PCDHA10: variants seen among roughly 807,000 people sequenced by gnomAD.
PCDHA10 encodes the protein protocadherin alpha-10.
In PCDHA10, 45 loss-of-function variants were observed where a neutral mutation model predicts 61.2. That is an observed-to-expected ratio of 0.74 (90% CI 0.58 to 0.94). PCDHA10 has a LOEUF of 0.94. Ranked by LOEUF, PCDHA10 falls within the 40% of genes least tolerant of loss-of-function variation. The pLI is 0.00. For missense variants in PCDHA10, 1,278 were observed against 1,236.2 expected (o/e 1.03, Z -0.51); for synonymous variants, 602 against 548.8 (o/e 1.10, Z -1.35).
At chr5:140,997,399 C>T (rs1453624678) in intron 3 of PCDHA10, among the ~76,000 whole-genome samples, 1 of 152,118 alleles carries the variant, frequency 6.6e-6, no homozygotes, top group Non-Finnish European at 1.5e-5. Flanking sequence ...TAGGCTCTAT[C>T]GTATGGCCTA....
At chr5:140,960,148 T>C (rs782110022) in intron 1 of PCDHA10, among the ~76,000 whole-genome samples, 16 of 152,198 alleles carry the variant, frequency 1.1e-4, no homozygotes, top group Admixed American at 4.6e-4. Context: ...ATTAATAGCT[T>C]GAGACTGATA....
intron 3 of PCDHA10, among the ~76,000 whole-genome samples, chr5:140,992,394 G>A (rs1338899804): frequency 2.0e-5 from 3 of 152,170 alleles, no homozygotes; most frequent in African/African-American, 7.2e-5. Flanking sequence ...TCTGGACTTA[G>A]AGATATTGTT....
At chr5:140,959,697 CTTTGAAAGGGA>C (rs2095506406) in intron 1 of PCDHA10, among the ~76,000 whole-genome samples, 1 of 152,008 alleles carries the variant, frequency 6.6e-6, no homozygotes, top group Non-Finnish European at 1.5e-5. Flanking sequence ...ATAAAATGAG[CTTTGAAAGGGA>C]AAATTTTTAG....
At chr5:140,903,690 T>C (rs2070508211) in intron 1 of PCDHA10, among the ~76,000 whole-genome samples, 1 of 152,224 alleles carries the variant, frequency 6.6e-6, no homozygotes, top group African/African-American at 2.4e-5. Context: ...TGGTAAATAG[T>C]TTAAAATAGT....
chr5:140,876,850 T>A, intron 1 of PCDHA10: 1 of 1,614,012 alleles, frequency 6.2e-7, no homozygotes, highest in Non-Finnish European at 8.5e-7. Flanking sequence ...GCAGCCCGAG[T>A]ACACAGTGTT....
At chr5:140,879,864 T>C (rs2058152773) in intron 1 of PCDHA10, among the ~76,000 whole-genome samples, 1 of 152,226 alleles carries the variant, frequency 6.6e-6, no homozygotes, top group Admixed American at 6.5e-5. Flanking sequence ...CCTTCTCAGC[T>C]TTCATGGTCA....
intron 1 of PCDHA10, among the ~76,000 whole-genome samples, chr5:140,960,257 C>T (rs1554224600): frequency 6.6e-6 from 1 of 152,186 alleles, no homozygotes; most frequent in African/African-American, 2.4e-5. Flanking sequence ...CCTGGAGCTT[C>T]TGATAAATTC....
At chr5:140,958,547 A>C (rs528303266) in intron 1 of PCDHA10, among the ~76,000 whole-genome samples, 3 of 152,308 alleles carry the variant, frequency 2.0e-5, no homozygotes, top group East Asian at 3.9e-4. Flanking sequence ...TTTATGAACC[A>C]ATAAATGTTT....
At chr5:140,925,641 T>TATA (rs10569930) in intron 1 of PCDHA10, among the ~76,000 whole-genome samples, 50,126 of 143,032 alleles carry the variant, frequency 0.35, 8,990 homozygotes, top group South Asian at 0.5. Context: ...GAACTTAAAG[T>TATA]ATAATAATAA....
At chr5:140,911,518 T>C (rs531265598) in intron 1 of PCDHA10, among the ~76,000 whole-genome samples, 1 of 152,346 alleles carries the variant, frequency 6.6e-6, no homozygotes, top group East Asian at 1.9e-4. Flanking sequence ...TATCTGCTTC[T>C]GAAGCTAGGA....
intron 1 of PCDHA10, among the ~76,000 whole-genome samples, chr5:140,893,161 G>A (rs2063850346): frequency 6.6e-6 from 1 of 152,160 alleles, no homozygotes; most frequent in African/African-American, 2.4e-5. Context: ...TGGATATTGA[G>A]GTTGATTCCA....
chr5:140,884,833 C>T (rs1175023363), intron 1 of PCDHA10: 1 of 916,514 alleles, frequency 1.1e-6, no homozygotes, highest in Non-Finnish European at 1.5e-6. Flanking sequence ...GTTGGATTAT[C>T]CTTCAGAGTG....
At chr5:140,883,686 A>T in intron 1 of PCDHA10, 1 of 1,613,782 alleles carries the variant, frequency 6.2e-7, no homozygotes, top group South Asian at 1.1e-5. Context: ...CCGGGCTGCC[A>T]CATCTTCACG....
At position 140,969,313 on chromosome 5, in the gene PCDHA10, G is replaced by A. The variant is rs2096317901; in HGVS notation, c.2389-9636G>A. 3.7e-6 allele frequency: 6 copies of A among 1,614,160 alleles called. No homozygotes were observed. In the East Asian group the frequency reaches 8.9e-5, roughly 24 times the overall value. ...GGAACCTGATTATTCTCAAAAATGAGGCTGTTTCTCAAAATGAGGTGAGAC... is the reference window on the plus strand; with the variant it reads ...GGAACCTGATTATTCTCAAAAATGAAGCTGTTTCTCAAAATGAGGTGAGAC... On this transcript the variant is annotated intron_variant, in intron 1 of 3. Coordinates refer to ENST00000307360, the MANE Select transcript of PCDHA10 (RefSeq NM_018901.4).
intron 1 of PCDHA10, among the ~76,000 whole-genome samples, chr5:140,902,520 T>C (rs1350068201): frequency 6.6e-6 from 1 of 152,116 alleles, no homozygotes; most frequent in Non-Finnish European, 1.5e-5. Context: ...TATATGGTTT[T>C]TATTATGTTG....
At chr5:140,904,440 A>G (rs1455600144) in intron 1 of PCDHA10, among the ~76,000 whole-genome samples, 1 of 151,204 alleles carries the variant, frequency 6.6e-6, no homozygotes, top group Non-Finnish European at 1.5e-5. Flanking sequence ...TATGTATATT[A>G]CAATTTCTTT....
rs1280645152 is a variant in PCDHA10, at chr5:140,855,901, A to G, written c.-148A>G. 6 of 1,088,536 alleles carry G rather than the reference A, an allele frequency of 5.5e-6. No homozygotes were observed. Among genetic ancestry groups the G allele is most frequent in the African/African-American group, 4.7e-5 (3 of 63,658 alleles). The allele number at this position is 1,088,536 out of a possible 1,614,324, so 67.4% of individuals were successfully genotyped here. ...GCTTTTTAGAACAAAGGCATCAGCC[A>G]GTTTCTCAAGGACTAGGAAGTAGCG... is the stretch of plus-strand genomic sequence containing the variant. On this transcript the variant is annotated 5_prime_UTR_variant, in exon 1 of 4. Transcript: ENST00000307360.
rs182605806 is a variant in PCDHA10 at position 140,924,980 on chromosome 5, T to C, written c.2389-53969T>C. On this transcript the variant is annotated intron_variant, in intron 1 of 3. Transcript: ENST00000307360. ...TGCAAGGTGAGTGCAGTGGCTCATG[T>C]CTGTAATCCTAGCACTTTAGGAGGC... is the stretch of plus-strand genomic sequence containing the variant. Among the ~76,000 whole-genome samples, 408 of 150,900 alleles carry C rather than the reference T, an allele frequency of 2.7e-3. 2 individuals are homozygous for C. The highest frequency in any genetic ancestry group is 0.014 in the Middle Eastern group (4 of 288).
intron 1 of PCDHA10, among the ~76,000 whole-genome samples, chr5:140,959,265 T>C (rs1341807372): frequency 1.3e-5 from 2 of 152,076 alleles, no homozygotes; most frequent in African/African-American, 2.4e-5. Context: ...TAGTCCCAGC[T>C]ACCCAGGAGC....
Sources: gnomAD v4.1 joint callset for allele counts (sites outside exome capture counted in the v4.1 genomes callset) on GRCh38, gnomAD v4.1.1 for gene constraint, MANE v1.5 for transcripts, NCBI Gene and HGNC (gene_info 2026-07-23, HGNC 2026-07-21) for gene names.